ULK4: variants seen among roughly 807,000 people sequenced by gnomAD.
ULK4 encodes inactive serine/threonine-protein kinase ULK4.
ULK4 carries 133 observed loss-of-function variants against 160.6 expected under a neutral mutation model. That is an observed-to-expected ratio of 0.83 (90% CI 0.72 to 0.96). ULK4 has a LOEUF of 0.96. Among genes scored for constraint, ULK4 ranks in the 40% least tolerant of loss-of-function variants. The probability of loss-of-function intolerance (pLI) is 0.00; values close to 1 mark genes in which losing one functional copy is unlikely to be tolerated. For missense variants in ULK4, 1,580 were observed against 1,499.5 expected (o/e 1.05, Z -0.89); for synonymous variants, 534 against 539.8 (o/e 0.99, Z 0.15).
chr3:41,335,412 A>G lies in ULK4; in HGVS notation c.3678+62667T>C, dbSNP rs904333348. Among the ~76,000 whole-genome samples the G allele has an allele frequency of 3.3e-5, 5 of 152,206 alleles. No homozygotes were observed. The East Asian group carries it at 7.7e-4, about 23-fold the overall frequency. On this transcript the variant is annotated intron_variant, in intron 35 of 36. Transcript: ENST00000301831. ...TAAGTTCCTGACTATTTAGGTAAGA[A>G]TAACTCCATCTTCATATTATCATCA...
chr3:41,856,577 GTATATATATACACATA>G (rs1559611227), intron 17 of ULK4, among the ~76,000 whole-genome samples: 8 of 58,308 alleles, frequency 1.4e-4, no homozygotes, highest in East Asian at 4.0e-4. Flanking sequence ...ATATATATGT[GTATATATATACACATA>G]TATATATATG....
intron 32 of ULK4, among the ~76,000 whole-genome samples, chr3:41,530,775 T>C (rs1472142221): frequency 1.3e-5 from 2 of 152,196 alleles, no homozygotes; most frequent in East Asian, 1.9e-4. Flanking sequence ...TATTTATTTA[T>C]ATTTTTGGAG....
At chr3:41,818,816 C>T (rs564870493) in intron 19 of ULK4, among the ~76,000 whole-genome samples, 1 of 152,202 alleles carries the variant, frequency 6.6e-6, no homozygotes, top group Admixed American at 6.5e-5. Flanking sequence ...ATGGAAAATG[C>T]CAACCTTTTA....
chr3:41,784,891 A>G (rs958828655), intron 21 of ULK4, among the ~76,000 whole-genome samples: 2 of 152,264 alleles, frequency 1.3e-5, no homozygotes, highest in Non-Finnish European at 2.9e-5. Context: ...AGAATCAGAG[A>G]TTAATTACAA....
At chr3:41,753,464 C>T (rs761899948) in intron 22 of ULK4, among the ~76,000 whole-genome samples, 1 of 152,174 alleles carries the variant, frequency 6.6e-6, no homozygotes, top group African/African-American at 2.4e-5. Flanking sequence ...GGCTTCAATA[C>T]AGCACGGATC....
At chr3:41,410,970 A>G (rs994323349) in intron 34 of ULK4, among the ~76,000 whole-genome samples, 1 of 152,158 alleles carries the variant, frequency 6.6e-6, no homozygotes, top group Non-Finnish European at 1.5e-5. Flanking sequence ...CAAAAACACT[A>G]TTTACAAATA....
intron 32 of ULK4, among the ~76,000 whole-genome samples, chr3:41,499,486 T>C (rs935506747): frequency 3.3e-5 from 5 of 152,134 alleles, no homozygotes; most frequent in Non-Finnish European, 5.9e-5. Flanking sequence ...GCAGAACACC[T>C]TGGGCAAATT....
At chr3:41,782,449 A>G (rs1282089344) in intron 21 of ULK4, among the ~76,000 whole-genome samples, 1 of 152,072 alleles carries the variant, frequency 6.6e-6, no homozygotes, top group Non-Finnish European at 1.5e-5. Context: ...ACTTACTGTG[A>G]CTCACCAAAT....
Position 41,572,890 on chromosome 3 carries a change from C to A in ULK4, c.3121-6760G>T, listed in dbSNP as rs192540223. On this transcript the variant is annotated intron_variant, in intron 31 of 36. Transcript: ENST00000301831. ...ACGTACTAGGGCCACTATTAATAGCCACATTATTCAGACACTTGTGTTCGC... is the reference window on the plus strand; with the variant it reads ...ACGTACTAGGGCCACTATTAATAGCAACATTATTCAGACACTTGTGTTCGC... Among the ~76,000 whole-genome samples the A allele has an allele frequency of 2.6e-5, 4 of 152,094 alleles. No individual in the cohort carries two copies. The East Asian group carries it at 7.7e-4, about 29-fold the overall frequency.
chr3:41,804,613 T>C (rs145155282), intron 19 of ULK4, among the ~76,000 whole-genome samples: 451 of 152,220 alleles, frequency 3.0e-3, no homozygotes, highest in Non-Finnish European at 4.7e-3. Context: ...TTTATGGTTT[T>C]AGGTCTAACA....
At chr3:41,734,950 G>A (rs901672175) in intron 22 of ULK4, among the ~76,000 whole-genome samples, 2 of 152,174 alleles carry the variant, frequency 1.3e-5, no homozygotes, top group Non-Finnish European at 2.9e-5. Context: ...AATGGCAAGG[G>A]AACAAGACAA....
intron 34 of ULK4, among the ~76,000 whole-genome samples, chr3:41,451,351 G>A (rs62259338): frequency 0.25 from 37,545 of 151,340 alleles, 4,921 homozygotes; most frequent in African/African-American, 0.32. Flanking sequence ...GGTAGCATTG[G>A]AGGTTGGCTG....
intron 22 of ULK4, among the ~76,000 whole-genome samples, chr3:41,718,703 A>G (rs182833033): frequency 1.3e-5 from 2 of 152,194 alleles, no homozygotes; most frequent in African/African-American, 2.4e-5. Flanking sequence ...ATTCTCACCC[A>G]TCCACCCAAC....
chr3:41,463,104 C>G lies in ULK4; in HGVS notation c.3376G>C (p.Val1126Leu). The G allele has an allele frequency of 6.2e-7, 1 of 1,613,518 alleles. No homozygotes were observed. Among genetic ancestry groups the G allele is most frequent in the Non-Finnish European group, 8.5e-7 (1 of 1,179,628 alleles). The stretch of plus-strand genomic sequence containing the variant: ...TCCTCTACCTGCAAAGCCAGCCGTA[C>G]AATACCGGAGGTATAGGTCAGCATG... Reference protein sequence around the residue: ...HSMLTYTSGIVRLALQAQKSG... With the variant: ...HSMLTYTSGILRLALQAQKSG... The change falls in exon 33 of 37, where the codon GTA (valine) becomes CTA (leucine). Residue 1126 changes from valine (V) to leucine (L), a missense_variant. Transcript: ENST00000301831.
chr3:41,524,406 T>C (rs1006856093), intron 32 of ULK4, among the ~76,000 whole-genome samples: 1 of 152,218 alleles, frequency 6.6e-6, no homozygotes, highest in East Asian at 1.9e-4. Context: ...CTCCTTTGAA[T>C]GGACTTTCAA....
intron 19 of ULK4, among the ~76,000 whole-genome samples, chr3:41,814,047 G>A (rs1325367468): frequency 1.3e-5 from 2 of 152,170 alleles, no homozygotes; most frequent in Non-Finnish European, 2.9e-5. Flanking sequence ...GGGGTAAGCA[G>A]CACACACAAT....
chr3:41,730,849 T>G (rs1451953470), intron 22 of ULK4, among the ~76,000 whole-genome samples: 1 of 152,154 alleles, frequency 6.6e-6, no homozygotes, highest in Non-Finnish European at 1.5e-5. Flanking sequence ...CAAGTGTAAT[T>G]CATCCCAGGG....
chr3:41,833,191 T>C (rs2041647327), intron 18 of ULK4, among the ~76,000 whole-genome samples: 1 of 152,142 alleles, frequency 6.6e-6, no homozygotes, highest in Non-Finnish European at 1.5e-5. Flanking sequence ...TTTGTTTGTG[T>C]CCTCTCTTAT....
At position 41,800,177 on chromosome 3, in the gene ULK4, T is replaced by A. The variant is rs1195155986; in HGVS notation, c.1965A>T (p.Leu655=). 1 of 1,613,852 alleles carries A rather than the reference T, an allele frequency of 6.2e-7. No individual in the cohort carries two copies. The highest frequency in any genetic ancestry group is 1.1e-5 in the South Asian group (1 of 91,042). The change falls in exon 20 of 37, where the codon CTA becomes CTT. Residue 655 remains leucine, a synonymous_variant. Transcript: ENST00000301831. ...GAGAATCAGCAGTGGAGTGTCTGAA[T>A]AGGTACCACAAAATGGGTCCTATTT... is the stretch of plus-strand genomic sequence containing the variant. ...TGEIGPILWY[L]FRHSTADSLR... is the part of the protein sequence containing the mutation.
Sources: allele counts gnomAD v4.1 joint callset (sites outside exome capture counted in the v4.1 genomes callset), GRCh38; gene constraint gnomAD v4.1.1; transcripts MANE v1.5; gene names NCBI Gene and HGNC (gene_info 2026-07-23, HGNC 2026-07-21).